Variants in TRPM3 observed in about 807,000 individuals in gnomAD.
The protein encoded by TRPM3 is transient receptor potential cation channel subfamily M member 3.
Under a neutral mutation model 181.2 loss-of-function variants are expected in TRPM3, and 77 were observed. That is an observed-to-expected ratio of 0.42 (90% confidence interval 0.35 to 0.51). The LOEUF is 0.51. Among genes scored for constraint, TRPM3 ranks in the 20% least tolerant of loss-of-function variants. TRPM3 has a pLI of 0.01. For synonymous variants in TRPM3, 745 were observed against 796.4 expected, an observed-to-expected ratio of 0.94 and a Z score of 1.09; for missense variants, 1,759 against 2,196.7, an observed-to-expected ratio of 0.80 and a Z score of 3.98.
chr9:71,121,403 T>C lies in TRPM3; in HGVS notation c.-49A>G, dbSNP rs1179181003. 1 of 1,587,266 alleles carries C rather than the reference T, an allele frequency of 6.3e-7. No individual in the cohort carries two copies. On this transcript the variant is annotated 5_prime_UTR_variant, in exon 1 of 26. Transcript: ENST00000677713. ...AAATTCCATTAGGGCAGAGGCTTCC[T>C]GGAACTTGGAAGACTAGTCAAGTAG...
At chr9:70,653,065 C>T (rs374710140) in intron 9 of TRPM3, among the ~76,000 whole-genome samples, 3 of 151,848 alleles carry the variant, frequency 2.0e-5, no homozygotes, top group African/African-American at 2.4e-5. Flanking sequence ...AAAGGGAAAC[C>T]GTGAAAGTGT....
chr9:71,289,998 T>C (rs1434075110), intron 1 of TRPM3, among the ~76,000 whole-genome samples: 1 of 149,488 alleles, frequency 6.7e-6, no homozygotes, highest in African/African-American at 2.6e-5. Flanking sequence ...GATTTGATCA[T>C]TATATATTAT....
chr9:71,382,610 C>A (rs1051530666), intron 1 of TRPM3, among the ~76,000 whole-genome samples: 1 of 151,654 alleles, frequency 6.6e-6, no homozygotes, highest in African/African-American at 2.4e-5. Context: ...CAGATAAACC[C>A]TCATATAAGT....
intron 1 of TRPM3, among the ~76,000 whole-genome samples, chr9:71,428,511 A>C (rs1407155620): frequency 6.6e-6 from 1 of 151,984 alleles, no homozygotes; most frequent in Non-Finnish European, 1.5e-5. Flanking sequence ...ACAGTTTTAC[A>C]TTTCATCATT....
intron 22 of TRPM3, among the ~76,000 whole-genome samples, chr9:70,553,820 A>G (rs1235203023): frequency 2.6e-5 from 4 of 152,234 alleles, no homozygotes; most frequent in Admixed American, 6.5e-5. Flanking sequence ...TGGGAGCTCC[A>G]GCTAACGATT....
intron 1 of TRPM3, among the ~76,000 whole-genome samples, chr9:71,436,905 C>A (rs1011126572): frequency 1.3e-5 from 2 of 152,200 alleles, no homozygotes; most frequent in African/African-American, 4.8e-5. Context: ...ATGCCCAACA[C>A]TTTTTTAAAT....
chr9:71,443,786 GAATA>G (rs2094166543), intron 1 of TRPM3, among the ~76,000 whole-genome samples: 1 of 152,140 alleles, frequency 6.6e-6, no homozygotes, highest in Admixed American at 6.5e-5. Flanking sequence ...CTCAGATCAT[GAATA>G]AAGTCTTTCT....
chr9:71,040,689 T>C (rs1278742412), intron 1 of TRPM3, among the ~76,000 whole-genome samples: 1 of 151,978 alleles, frequency 6.6e-6, no homozygotes, highest in East Asian at 1.9e-4. Flanking sequence ...AGAAGACAAA[T>C]CTAGCAAGCA....
intron 25 of TRPM3, 25 bp from the exon 26 acceptor site, chr9:70,537,430 G>A (rs2042076176): frequency 7.0e-7 from 1 of 1,427,440 alleles, no homozygotes. Context: ...GAGAATGAGA[G>A]TCACTCGGCC....
chr9:71,220,177 G>A (rs1442546312), intron 1 of TRPM3, among the ~76,000 whole-genome samples: 1 of 152,096 alleles, frequency 6.6e-6, no homozygotes, highest in Non-Finnish European at 1.5e-5. Flanking sequence ...ACTCAAAAGA[G>A]TCAATTGTAG....
At chr9:71,366,900 T>C (rs890212522) in intron 1 of TRPM3, among the ~76,000 whole-genome samples, 11 of 152,142 alleles carry the variant, frequency 7.2e-5, no homozygotes, top group African/African-American at 2.7e-4. Context: ...ATAGATAAGA[T>C]TTCACCAACT....
intron 1 of TRPM3, among the ~76,000 whole-genome samples, chr9:70,972,569 G>C (rs750372871): frequency 6.6e-6 from 1 of 152,122 alleles, no homozygotes; most frequent in Non-Finnish European, 1.5e-5. Context: ...TGCACAACTT[G>C]TAGTCTACTA....
At chr9:71,119,589 CCTAT>C (rs1159123930) in intron 1 of TRPM3, among the ~76,000 whole-genome samples, 3 of 151,924 alleles carry the variant, frequency 2.0e-5, no homozygotes, top group Non-Finnish European at 4.4e-5. Flanking sequence ...GTGATAGTCA[CCTAT>C]CTGTCAAGAA....
chr9:70,777,134 G>C (rs1040591675), intron 7 of TRPM3, among the ~76,000 whole-genome samples: 5 of 152,148 alleles, frequency 3.3e-5, no homozygotes, highest in Non-Finnish European at 7.4e-5. Context: ...ACTTGGCATT[G>C]ATGCACTTTC....
intron 5 of TRPM3, among the ~76,000 whole-genome samples, chr9:70,842,114 C>T (rs1309286227): frequency 6.6e-6 from 1 of 152,006 alleles, no homozygotes; most frequent in Non-Finnish European, 1.5e-5. Context: ...TGTTTCATGA[C>T]ATTTAGTTTT....
intron 22 of TRPM3, among the ~76,000 whole-genome samples, chr9:70,587,455 G>A (rs557862401): frequency 3.9e-5 from 6 of 152,110 alleles, no homozygotes; most frequent in East Asian, 1.9e-4. Context: ...GAGACACCCC[G>A]TTTTCCCTGC....
chr9:70,916,993 G>A, intron 1 of TRPM3: 2 of 1,536,340 alleles, frequency 1.3e-6, no homozygotes, highest in East Asian at 2.3e-5. Context: ...GCCTGGAGGA[G>A]TTAGAAGTCC....
intron 1 of TRPM3, among the ~76,000 whole-genome samples, chr9:71,401,197 C>CAAAAAAAAAAA (rs59425467): frequency 2.8e-5 from 3 of 105,816 alleles, no homozygotes; most frequent in African/African-American, 7.9e-5. Flanking sequence ...GACACCATCG[C>CAAAAAAAAAAA]AAAAAAAAAA....
At chr9:70,792,412 T>C (rs762855907) in intron 6 of TRPM3, among the ~76,000 whole-genome samples, 20 of 149,322 alleles carry the variant, frequency 1.3e-4, no homozygotes, top group Non-Finnish European at 2.2e-4. Flanking sequence ...AGAGATCACA[T>C]GGCCCCAGGA....
Sources: allele counts gnomAD v4.1 joint callset (sites outside exome capture counted in the v4.1 genomes callset), GRCh38; gene constraint gnomAD v4.1.1; transcripts MANE v1.5; gene names NCBI Gene and HGNC (gene_info 2026-07-23, HGNC 2026-07-21).